Variants in PDE1C observed in about 807,000 individuals in gnomAD.
PDE1C encodes the protein dual specificity calcium/calmodulin-dependent 3',5'-cyclic nucleotide phosphodiesterase 1C.
PDE1C carries 62 observed loss-of-function variants against 93.1 expected under a neutral mutation model. The ratio of observed to expected loss-of-function variants is 0.67; its 90% CI spans 0.54 to 0.82. The LOEUF (loss-of-function observed/expected upper bound fraction) is 0.82. Among genes scored for constraint, PDE1C ranks in the 40% least tolerant of loss-of-function variants. The pLI is 0.00. For synonymous variants in PDE1C, 325 were observed against 310.1 expected (o/e 1.05, Z -0.50); for missense variants, 742 against 884.6 (o/e 0.84, Z 2.04).
the PDE1C span, chr7:31,697,102 T>A: frequency 6.2e-7 from 1 of 1,613,802 alleles, no homozygotes; most frequent in African/African-American, 1.3e-5. Context: ...CCTGCACATG[T>A]CCCCCTTTGC....
intron 2 of PDE1C, among the ~76,000 whole-genome samples, chr7:32,201,045 C>G (rs1456646067): frequency 6.6e-6 from 1 of 152,218 alleles, no homozygotes; most frequent in African/African-American, 2.4e-5. Flanking sequence ...ACAGCACCAC[C>G]CCCATGCAGC....
intron 1 of PDE1C, among the ~76,000 whole-genome samples, chr7:32,403,448 A>C (rs1784990483): frequency 6.6e-6 from 1 of 152,122 alleles, no homozygotes. Context: ...TCCACATTGG[A>C]TCCTGGGCAG....
Position 32,159,831 on chromosome 7 carries a change from G to C in PDE1C, c.308+9954C>G, listed in dbSNP as rs372855754. On this transcript the variant is annotated intron_variant, in intron 3 of 18. Transcript: ENST00000396193. Reference sequence around the variant, plus strand: ...GTGAACTCAGTGGCCAGTAGAGTTAGGTAAAGGGAGGCTGAGTTTTAGCTT... The same window carrying C: ...GTGAACTCAGTGGCCAGTAGAGTTACGTAAAGGGAGGCTGAGTTTTAGCTT... Among the ~76,000 whole-genome samples the C allele has an allele frequency of 3.9e-3, 595 of 152,288 alleles. 9 individuals are homozygous for C. Among genetic ancestry groups the C allele is most frequent in the South Asian group, 0.033 (159 of 4,816 alleles).
rs1360599386 is a variant in PDE1C at position 31,997,988 on chromosome 7, T to TTTTTA, written c.128+53561_128+53565dup. Among the ~76,000 whole-genome samples, 270 of 149,328 alleles carry TTTTTA rather than the reference T, an allele frequency of 1.8e-3. 2 individuals are homozygous for TTTTTA. The highest frequency in any genetic ancestry group is 3.7e-3 in the African/African-American group (150 of 40,814). Reference sequence around the variant, plus strand: ...CTATGTGGCTGTTAGAAACATCTTATTTTTATTTTATTTTATTTTATTTTT... The same window carrying TTTTTA: ...CTATGTGGCTGTTAGAAACATCTTATTTTTATTTTATTTTATTTTATTTTATTTTT... On this transcript the variant is annotated intron_variant, in intron 2 of 17. Transcript: ENST00000396191.
At chr7:31,654,468 A>T in the PDE1C span, among the ~76,000 whole-genome samples, 1 of 152,182 alleles carries the variant, frequency 6.6e-6, no homozygotes, top group Admixed American at 6.5e-5. Context: ...CAGGGTCGTC[A>T]TATAATCTGA....
rs563990128 is a variant in PDE1C, at chr7:32,334,745, T to G, written c.310+93077A>C. ...AGGCTATGAAATAGTATGTGTACAG[T>G]GTAATTTCATTTCCATAAAGTTTAT... is the stretch of plus-strand genomic sequence containing the variant. On this transcript the variant is annotated intron_variant, in intron 1 of 1. Transcript: ENST00000672256. Among the ~76,000 whole-genome samples the G allele has an allele frequency of 2.0e-5, 3 of 152,240 alleles. No homozygotes were observed. The South Asian group carries it at 6.2e-4, about 32-fold the overall frequency.
At chr7:32,197,696 C>A (rs1362941351) in intron 2 of PDE1C, among the ~76,000 whole-genome samples, 1 of 152,120 alleles carries the variant, frequency 6.6e-6, no homozygotes, top group African/African-American at 2.4e-5. Flanking sequence ...CATAGCCAGT[C>A]ACAATAGACC....
intron 11 of PDE1C, among the ~76,000 whole-genome samples, chr7:31,831,358 A>G (rs571387585): frequency 6.6e-6 from 1 of 152,300 alleles, no homozygotes; most frequent in South Asian, 2.1e-4. Flanking sequence ...TCAAAACTAT[A>G]TGAGAAAGGG....
chr7:31,943,465 T>A (rs1563074550), intron 2 of PDE1C, among the ~76,000 whole-genome samples: 1 of 152,176 alleles, frequency 6.6e-6, no homozygotes, highest in Non-Finnish European at 1.5e-5. Context: ...TCTATTTTTT[T>A]ATGCAATAAT....
intron 2 of PDE1C, among the ~76,000 whole-genome samples, chr7:31,991,423 T>C (rs1296942300): frequency 6.6e-6 from 1 of 152,220 alleles, no homozygotes; most frequent in East Asian, 1.9e-4. Flanking sequence ...GGCTTTGAAC[T>C]CAAACAGACT....
At chr7:32,150,702 G>A (rs13239448) in intron 3 of PDE1C, among the ~76,000 whole-genome samples, 3,741 of 152,288 alleles carry the variant, frequency 0.025, 72 homozygotes, top group Non-Finnish European at 0.039. Flanking sequence ...GTTAATGTAT[G>A]CAAAGCACTT....
chr7:31,714,529 A>C, the PDE1C span, among the ~76,000 whole-genome samples: 7 of 152,062 alleles, frequency 4.6e-5, no homozygotes, highest in African/African-American at 1.7e-4. Context: ...GCAGTGCCCC[A>C]CTCTACTGGT....
At chr7:32,156,454 C>T (rs1801581358) in intron 3 of PDE1C, among the ~76,000 whole-genome samples, 1 of 152,186 alleles carries the variant, frequency 6.6e-6, no homozygotes, top group South Asian at 2.1e-4. Context: ...CCTGGATCTG[C>T]TGACACACAT....
chr7:32,300,592 C>T (rs1812859129), upstream of PDE1C, among the ~76,000 whole-genome samples: 1 of 152,156 alleles, frequency 6.6e-6, no homozygotes, highest in Non-Finnish European at 1.5e-5. Context: ...TTACTTTCCT[C>T]CTCTGACAAT....
chr7:31,796,197 A>C (rs1309733138), intron 16 of PDE1C, among the ~76,000 whole-genome samples: 1 of 150,320 alleles, frequency 6.7e-6, no homozygotes, highest in African/African-American at 2.4e-5. Flanking sequence ...TATATGATAT[A>C]TATTAATATA....
At chr7:31,622,292 C>A in the PDE1C span, among the ~76,000 whole-genome samples, 1 of 106,330 alleles carries the variant, frequency 9.4e-6, no homozygotes, top group African/African-American at 3.3e-5. Context: ...CCCAAATCAA[C>A]AGAATATACA....
the PDE1C span, chr7:31,692,350 TTGAA>T: frequency 7.6e-5 from 78 of 1,025,286 alleles, 2 homozygotes; most frequent in Admixed American, 1.5e-3. Context: ...TAGCAAATGA[TTGAA>T]TGAATGAATA....
intron 16 of PDE1C, among the ~76,000 whole-genome samples, chr7:31,802,590 G>T (rs974139479): frequency 6.6e-6 from 1 of 151,468 alleles, no homozygotes; most frequent in African/African-American, 2.4e-5. Flanking sequence ...TTTCTTGCAT[G>T]GTGCGTCTAC....
At chr7:32,222,802 GTC>G (rs1228346861) in intron 1 of PDE1C, among the ~76,000 whole-genome samples, 2 of 152,154 alleles carry the variant, frequency 1.3e-5, no homozygotes, top group Non-Finnish European at 2.9e-5. Context: ...AAGCAGAACT[GTC>G]TGTTTCTCCC....
Sources: allele counts gnomAD v4.1 joint callset (sites outside exome capture counted in the v4.1 genomes callset), GRCh38; gene constraint gnomAD v4.1.1; transcripts MANE v1.5; gene names NCBI Gene and HGNC (gene_info 2026-07-23, HGNC 2026-07-21).